Variants in FAM186A observed in about 807,000 individuals in gnomAD.
FAM186A encodes protein FAM186A.
A neutral mutation model predicts 216.8 loss-of-function variants in FAM186A; 163 were observed. The observed-to-expected ratio is 0.75, with a 90% CI of 0.66 to 0.86. The LOEUF (loss-of-function observed/expected upper bound fraction) is 0.86, where lower values mean the gene tolerates loss of function less well. FAM186A is among the 40% of genes least tolerant of loss of function. The pLI is 0.00. For missense variants in FAM186A, 2,184 were observed against 2,746.2 expected, an observed-to-expected ratio of 0.80 and a Z score of 4.58; for synonymous variants, 805 against 1,025.3, an observed-to-expected ratio of 0.79 and a Z score of 4.10.
At chr12:50,360,689 AAG>A in intron 3 of FAM186A, 65 bp downstream of exon 3, 1 of 1,400,408 alleles carries the variant, frequency 7.1e-7, no homozygotes. Context: ...AAAAAAAAAA[AAG>A]TTGTTTCTCT....
At chr12:50,365,886 A>G in intron 1 of FAM186A, 1 of 762,846 alleles carries the variant, frequency 1.3e-6, no homozygotes, top group South Asian at 1.3e-5. Context: ...GAAGAAATAT[A>G]TTATCTACAT....
At chr12:50,376,378 G>A (rs1943198249) in intron 1 of FAM186A, among the ~76,000 whole-genome samples, 1 of 152,212 alleles carries the variant, frequency 6.6e-6, no homozygotes, top group Non-Finnish European at 1.5e-5. Context: ...TCTCAGCAGA[G>A]AGGATACCTG....
rs1409599393 is a variant in FAM186A at position 50,330,659 on chromosome 12, C to T, written c.6948G>A (p.Gln2316=). The T allele has an allele frequency of 2.6e-6, 4 of 1,550,710 alleles. No individual in the cohort carries two copies. The South Asian group carries it at 3.6e-5, about 14-fold the overall frequency. ...TGGGAATATCTGGGTACCCACCCAG[C>T]TGGGCCCAGAGTGAATGCATAGATG... ...EKTSMHSLWA[Q]LGGYPDIPRL... The change falls in exon 7 of 8, where the codon CAG becomes CAA. Residue 2316 remains glutamine (Q), a synonymous_variant. Transcript: ENST00000327337.
chr12:50,387,736 A>T (rs1351714272), intron 1 of FAM186A, among the ~76,000 whole-genome samples: 2 of 152,166 alleles, frequency 1.3e-5, no homozygotes, highest in Admixed American at 1.3e-4. Context: ...GCTGGCAGAG[A>T]AGGAAAGATG....
chr12:50,351,666 G>A lies in FAM186A; in HGVS notation c.5166C>T (p.Leu1722=). ...TTGATATGATGGATTGCCCAGTGGG[G>A]AGAGAAGCCTTCGATTTCTGAAATG... The part of the protein sequence containing the change: ...HRPFQKSKAS[L]PTGQSIISRL... The change falls in exon 4 of 8, where the codon CTC becomes CTT. Residue 1722 remains leucine, a synonymous_variant. Transcript: ENST00000327337. 1 of 1,551,616 alleles carries A rather than the reference G, an allele frequency of 6.4e-7. No individual in the cohort carries two copies. The highest frequency in any genetic ancestry group is 1.4e-5 in the African/African-American group (1 of 73,150).
At chr12:50,348,097 T>TGCAAGGGC (rs1942838934) in intron 4 of FAM186A, among the ~76,000 whole-genome samples, 1 of 137,086 alleles carries the variant, frequency 7.3e-6, no homozygotes, top group Non-Finnish European at 1.5e-5. Context: ...CAGGCTGGAG[T>TGCAAGGGC]GCAATGGCGC....
intron 1 of FAM186A, among the ~76,000 whole-genome samples, chr12:50,375,709 T>C (rs1260883771): frequency 2.9e-5 from 3 of 103,616 alleles, no homozygotes; most frequent in African/African-American, 9.5e-5. Flanking sequence ...AGAGGGAGAC[T>C]CCATCTCAAA....
intron 1 of FAM186A, among the ~76,000 whole-genome samples, chr12:50,380,521 C>CAAAAAAAAAAAAAAAA: frequency 1.3e-5 from 1 of 76,442 alleles, no homozygotes; most frequent in Non-Finnish European, 2.6e-5. Flanking sequence ...ACTAAAAATA[C>CAAAAAAAAAAAAAAAA]AAAAAAAAAA....
chr12:50,338,925 T>C (rs1942736634), intron 4 of FAM186A, among the ~76,000 whole-genome samples: 1 of 152,260 alleles, frequency 6.6e-6, no homozygotes, highest in Admixed American at 6.5e-5. Context: ...CTTGTCAGTG[T>C]TTCCTCCAAC....
chr12:50,369,981 G>A (rs373885524), intron 1 of FAM186A, among the ~76,000 whole-genome samples: 30 of 151,558 alleles, frequency 2.0e-4, no homozygotes, highest in African/African-American at 5.8e-4. Flanking sequence ...AAAATTAGCC[G>A]GGCGTGGTGG....
At position 50,355,623 on chromosome 12, in the gene FAM186A, G is replaced by T; in HGVS notation, c.1209C>A (p.Ser403=). ...CAGCTTGGGCTGTATATGAAATAGT[G>T]GAGTCCCATTTTATCCCAGAGTCCT... The part of the protein sequence containing the change: ...ETKDSGIKWD[S]TISYTAQAER... Residue 403 remains serine, a synonymous_variant, in exon 4 of 8, where the codon TCC becomes TCA. Coordinates refer to ENST00000327337, the MANE Select transcript of FAM186A (RefSeq NM_001145475.3). 2 of 1,551,524 alleles carry T rather than the reference G, an allele frequency of 1.3e-6. No homozygotes were observed. The highest frequency in any genetic ancestry group is 1.7e-6 in the Non-Finnish European group (2 of 1,146,974).
At chr12:50,387,146 A>G (rs1943312018) in intron 1 of FAM186A, among the ~76,000 whole-genome samples, 1 of 152,128 alleles carries the variant, frequency 6.6e-6, no homozygotes. Flanking sequence ...GTCAGATCCC[A>G]TAGGTCGAAG....
intron 4 of FAM186A, among the ~76,000 whole-genome samples, chr12:50,348,586 G>A (rs1170986367): frequency 1.3e-5 from 2 of 151,996 alleles, no homozygotes; most frequent in Non-Finnish European, 2.9e-5. Context: ...CTGAGATGGA[G>A]TCTTGCTCTG....
At chr12:50,349,823 T>C (rs1942857400) in intron 4 of FAM186A, among the ~76,000 whole-genome samples, 1 of 152,054 alleles carries the variant, frequency 6.6e-6, no homozygotes, top group East Asian at 1.9e-4. Flanking sequence ...GTCTAATTTT[T>C]GAATTTTTTG....
At chr12:50,378,742 C>G (rs939246139) in intron 1 of FAM186A, among the ~76,000 whole-genome samples, 2 of 151,480 alleles carry the variant, frequency 1.3e-5, no homozygotes, top group Non-Finnish European at 1.5e-5. Context: ...AATCATATCA[C>G]TAGTGGGAAT....
At chr12:50,338,905 T>G (rs1275270908) in intron 4 of FAM186A, among the ~76,000 whole-genome samples, 1 of 152,244 alleles carries the variant, frequency 6.6e-6, no homozygotes, top group Non-Finnish European at 1.5e-5. Flanking sequence ...TTATTTTCAT[T>G]TAGTTTCTCC....
intron 1 of FAM186A, among the ~76,000 whole-genome samples, chr12:50,380,010 G>A (rs1035034871): frequency 1.1e-4 from 17 of 152,186 alleles, no homozygotes; most frequent in African/African-American, 4.1e-4. Flanking sequence ...TAAGAAAGGA[G>A]TGACATTTTT....
intron 1 of FAM186A, among the ~76,000 whole-genome samples, chr12:50,376,744 C>T (rs1943201969): frequency 6.9e-5 from 2 of 28,908 alleles, no homozygotes; most frequent in Non-Finnish European, 1.7e-4. Context: ...CTCTCTCTCT[C>T]TCTTTTTTTT....
chr12:50,338,967 T>C (rs984279988), intron 4 of FAM186A, among the ~76,000 whole-genome samples: 1 of 152,228 alleles, frequency 6.6e-6, no homozygotes, highest in Non-Finnish European at 1.5e-5. Context: ...GATTCTCCTA[T>C]AAAATTTATA....
Sources: gnomAD v4.1 joint callset for allele counts (sites outside exome capture counted in the v4.1 genomes callset) on GRCh38, gnomAD v4.1.1 for gene constraint, MANE v1.5 for transcripts, NCBI Gene and HGNC (gene_info 2026-07-23, HGNC 2026-07-21) for gene names.